GRIA2: variants seen among roughly 807,000 people sequenced by gnomAD.
The protein encoded by GRIA2 is glutamate ionotropic receptor AMPA type subunit 2.
In GRIA2, 14 loss-of-function variants were observed where a neutral mutation model predicts 97.3. That is an observed-to-expected ratio of 0.14 (90% confidence interval 0.10 to 0.23). GRIA2 has a LOEUF of 0.23. Ranked by LOEUF, GRIA2 falls within the 10% of genes least tolerant of loss-of-function variation. The pLI is 1.00. For synonymous variants in GRIA2, 412 were observed against 387.8 expected, an observed-to-expected ratio of 1.06 and a Z score of -0.73; for missense variants, 558 against 1,069.8, an observed-to-expected ratio of 0.52 and a Z score of 6.67.
At chr4:157,247,466 T>G (rs1016371680) in intron 2 of GRIA2, among the ~76,000 whole-genome samples, 3 of 152,090 alleles carry the variant, frequency 2.0e-5, no homozygotes, top group Non-Finnish European at 4.4e-5. Context: ...GTACCTAGCA[T>G]GTAGAAGGTG....
At chr4:157,347,584 C>A (rs1735816321) in intron 12 of GRIA2, among the ~76,000 whole-genome samples, 1 of 152,114 alleles carries the variant, frequency 6.6e-6, no homozygotes, top group South Asian at 2.1e-4. Flanking sequence ...ATATTAATTT[C>A]AGAATAAATT....
At chr4:157,238,974 A>G (rs889409979) in intron 2 of GRIA2, among the ~76,000 whole-genome samples, 5 of 152,076 alleles carry the variant, frequency 3.3e-5, no homozygotes, top group African/African-American at 1.2e-4. Flanking sequence ...CAGTTTATTA[A>G]AGTCTTTTGC....
chr4:157,226,294 C>G (rs1729743318), intron 2 of GRIA2, among the ~76,000 whole-genome samples: 4 of 151,666 alleles, frequency 2.6e-5, no homozygotes, highest in Non-Finnish European at 4.4e-5. Flanking sequence ...ACACCGAATG[C>G]CTTTTAAAAC....
At chr4:157,247,432 T>C (rs1730781173) in intron 2 of GRIA2, among the ~76,000 whole-genome samples, 1 of 152,152 alleles carries the variant, frequency 6.6e-6, no homozygotes, top group East Asian at 1.9e-4. Flanking sequence ...TTGTGACTCT[T>C]CAATTGGTAA....
At chr4:157,251,598 G>T (rs576888557) in intron 2 of GRIA2, among the ~76,000 whole-genome samples, 1 of 152,074 alleles carries the variant, frequency 6.6e-6, no homozygotes, top group African/African-American at 2.4e-5. Flanking sequence ...GCTTGCTGAT[G>T]TTCACTATTA....
chr4:157,352,233 T>C (rs909729102), intron 12 of GRIA2, among the ~76,000 whole-genome samples: 7 of 152,338 alleles, frequency 4.6e-5, no homozygotes, highest in African/African-American at 1.7e-4. Flanking sequence ...TTAGTGTATA[T>C]ACACATCTAT....
At chr4:157,333,183 C>A in intron 7 of GRIA2, 66 bp from the exon 8 acceptor site, 1 of 983,714 alleles carries the variant, frequency 1.0e-6, no homozygotes, top group Non-Finnish European at 1.5e-6. Flanking sequence ...TTAAAGTAAT[C>A]TGTACAGTGT....
In GRIA2 at chr4:157,226,410, A is replaced by T. The variant is rs569823076; in HGVS notation, c.229+4603A>T. Among the ~76,000 whole-genome samples the T allele has an allele frequency of 3.9e-5, 6 of 152,278 alleles. No individual in the cohort carries two copies. In the South Asian group the frequency reaches 1.2e-3, roughly 32 times the overall value. On this transcript the variant is annotated intron_variant, in intron 2 of 15. Coordinates refer to ENST00000264426, the MANE Select transcript of GRIA2 (RefSeq NM_001083619.3). ...AAAAATAACTTTCATTGCCTTTTAAAAATAGGTTGCCCTATATTTTATGTT... is the reference window on the plus strand; with the variant it reads ...AAAAATAACTTTCATTGCCTTTTAATAATAGGTTGCCCTATATTTTATGTT...
Position 157,299,663 on chromosome 4 carries a change from C to T in GRIA2, c.230-3889C>T, listed in dbSNP as rs1158791302. The stretch of plus-strand genomic sequence containing the variant: ...CATCAGCATTGTTGTTGGCTTATAT[C>T]ATCTGGGCTTGTAATAAAAAGTGAA... On this transcript the variant is annotated intron_variant, in intron 2 of 15. Transcript: ENST00000264426. 2.2e-4 allele frequency among the ~76,000 whole-genome samples: 34 copies of T among 152,122 alleles called. 1 individual carries two copies. Among genetic ancestry groups the T allele is most frequent in the Admixed American group, 2.2e-3 (34 of 15,256 alleles).
chr4:157,260,007 G>T (rs1731455803), intron 2 of GRIA2, among the ~76,000 whole-genome samples: 1 of 152,022 alleles, frequency 6.6e-6, no homozygotes, highest in Non-Finnish European at 1.5e-5. Flanking sequence ...TACTGTTGTG[G>T]TCACAAGTCT....
intron 12 of GRIA2, among the ~76,000 whole-genome samples, chr4:157,352,724 A>AC (rs1352046958): frequency 2.3e-3 from 343 of 150,148 alleles, no homozygotes; most frequent in Admixed American, 5.5e-3. Flanking sequence ...CATCTAAAAA[A>AC]AAAAAAAAAA....
chr4:157,284,371 T>C (rs1268848942), intron 2 of GRIA2, among the ~76,000 whole-genome samples: 2 of 151,880 alleles, frequency 1.3e-5, no homozygotes, highest in African/African-American at 4.8e-5. Context: ...GTATTTTCTG[T>C]TCTTCATCTC....
intron 2 of GRIA2, among the ~76,000 whole-genome samples, chr4:157,267,171 A>G (rs10021958): frequency 0.19 from 29,346 of 151,994 alleles, 3,219 homozygotes; most frequent in African/African-American, 0.3. Flanking sequence ...CATGCCAGTA[A>G]TCCCAGCACT....
At chr4:157,229,797 C>T (rs946951045) in intron 2 of GRIA2, among the ~76,000 whole-genome samples, 6 of 151,898 alleles carry the variant, frequency 4.0e-5, no homozygotes, top group Admixed American at 3.9e-4. Context: ...TTTATTTTCC[C>T]TTCATGTAAA....
At chr4:157,355,938 T>TATAAATATATATATTA (rs1736300230) in intron 12 of GRIA2, among the ~76,000 whole-genome samples, 1 of 35,946 alleles carries the variant, frequency 2.8e-5, no homozygotes, top group Non-Finnish European at 4.5e-5. Flanking sequence ...TATATTTATA[T>TATAAATATATATATTA]ATTAATATAT....
chr4:157,363,138 T>C, intron 15 of GRIA2, 91 bp downstream of exon 15: 4 of 1,268,706 alleles, frequency 3.2e-6, no homozygotes, highest in African/African-American at 3.0e-5. Context: ...AGGTGGCCAA[T>C]GGATCATCCT....
chr4:157,352,784 G>A (rs1425909697), intron 12 of GRIA2, among the ~76,000 whole-genome samples: 1 of 151,478 alleles, frequency 6.6e-6, no homozygotes, highest in African/African-American at 2.4e-5. Context: ...CCGGCATGGT[G>A]GTGCACACCC....
intron 2 of GRIA2, among the ~76,000 whole-genome samples, chr4:157,293,744 C>T (rs1733209323): frequency 6.6e-6 from 1 of 152,068 alleles, no homozygotes; most frequent in Admixed American, 6.6e-5. Flanking sequence ...GAATTTGTTT[C>T]ACACCATCAG....
At chr4:157,266,711 G>A (rs1379598955) in intron 2 of GRIA2, among the ~76,000 whole-genome samples, 1 of 151,972 alleles carries the variant, frequency 6.6e-6, no homozygotes, top group Admixed American at 6.6e-5. Flanking sequence ...TAGAGAATGA[G>A]GTGTTCAGCA....
Sources: gnomAD v4.1 joint callset for allele counts (sites outside exome capture counted in the v4.1 genomes callset) on GRCh38, gnomAD v4.1.1 for gene constraint, MANE v1.5 for transcripts, NCBI Gene and HGNC (gene_info 2026-07-23, HGNC 2026-07-21) for gene names.